Variants in CCDC93 observed in about 807,000 individuals in gnomAD.
The protein encoded by CCDC93 is coiled-coil domain-containing protein 93.
CCDC93 carries 61 observed loss-of-function variants against 108.2 expected under a neutral mutation model. The ratio of observed to expected loss-of-function variants is 0.56; its 90% CI spans 0.46 to 0.70. The LOEUF (loss-of-function observed/expected upper bound fraction) is 0.70, where lower values mean the gene tolerates loss of function less well. Among genes scored for constraint, CCDC93 ranks in the 30% least tolerant of loss-of-function variants. The pLI, the probability that CCDC93 is intolerant of heterozygous loss-of-function variation, is 0.00. For synonymous variants in CCDC93, 276 were observed against 260.4 expected (o/e 1.06, Z -0.58); for missense variants, 685 against 764.2 (o/e 0.90, Z 1.22).
chr2:117,951,261 A>G, intron 13 of CCDC93: 2 of 985,430 alleles, frequency 2.0e-6, no homozygotes, highest in African/African-American at 3.5e-5. Context: ...TTGCCATCTA[A>G]TCCGTAAGGA....
At chr2:117,938,456 G>A (rs955157618) in intron 20 of CCDC93, among the ~76,000 whole-genome samples, 2 of 151,774 alleles carry the variant, frequency 1.3e-5, no homozygotes, top group Non-Finnish European at 1.5e-5. Context: ...AGTGGGTGCA[G>A]CGCACCAGCA....
In CCDC93 at chr2:117,931,037, C is replaced by T. The variant is rs1252287403; in HGVS notation, c.1842G>A (p.Glu614=). The change falls in exon 23 of 24, where the codon GAG becomes GAA. Residue 614 remains glutamate (E), a splice_region_variant and synonymous_variant. Transcript: ENST00000376300. Reference sequence around the variant, plus strand: ...ATGTGCTACCCAGCCTTCCTCTTACCTCCTTGAACTCTTTCACAGTCTTAA... The same window carrying T: ...ATGTGCTACCCAGCCTTCCTCTTACTTCCTTGAACTCTTTCACAGTCTTAA... ...LYFKTVKEFK[E]EGRKNEMLLS... 2.5e-6 allele frequency: 4 copies of T among 1,594,502 alleles called. No individual in the cohort carries two copies. The highest frequency in any genetic ancestry group is 3.4e-6 in the Non-Finnish European group (4 of 1,165,112).
chr2:117,988,839 CCT>C (rs1238066221), intron 6 of CCDC93, among the ~76,000 whole-genome samples: 8 of 152,178 alleles, frequency 5.3e-5, no homozygotes, highest in East Asian at 1.9e-4. Flanking sequence ...ACCCCTCACC[CCT>C]GTTCTTCCAT....
chr2:117,939,260 C>T (rs1573471787), intron 19 of CCDC93, 149 bp from the exon 20 acceptor site: 3 of 563,322 alleles, frequency 5.3e-6, no homozygotes, highest in African/African-American at 1.9e-5. Context: ...AACTGAATTG[C>T]CTGGGAAGCT....
intron 1 of CCDC93, among the ~76,000 whole-genome samples, chr2:118,009,163 G>A (rs1204261043): frequency 1.3e-5 from 2 of 152,104 alleles, no homozygotes; most frequent in Non-Finnish European, 2.9e-5. Context: ...TTGAGGTCAG[G>A]AGTTCAAGAC....
chr2:117,974,384 TA>T (rs1467300240), intron 10 of CCDC93, among the ~76,000 whole-genome samples: 1 of 152,130 alleles, frequency 6.6e-6, no homozygotes, highest in Non-Finnish European at 1.5e-5. Context: ...CTCAGAACTC[TA>T]AAATATCTCT....
chr2:117,996,630 T>A, intron 4 of CCDC93: 1 of 298,258 alleles, frequency 3.4e-6, no homozygotes, highest in Non-Finnish European at 6.4e-6. Flanking sequence ...TTCCTTTCTG[T>A]AAAAGTATAT....
intron 4 of CCDC93, chr2:117,998,687 T>C (rs932215219): frequency 3.3e-5 from 5 of 152,216 alleles, no homozygotes; most frequent in African/African-American, 1.2e-4. Context: ...TCACTTCCAA[T>C]TCTTCTCACA....
intron 13 of CCDC93, chr2:117,951,145 A>G: frequency 1.0e-6 from 1 of 985,072 alleles, no homozygotes; most frequent in Non-Finnish European, 1.2e-6. Context: ...TTTTGCCTTT[A>G]ATCTCTTTCA....
At chr2:117,995,569 G>C in intron 5 of CCDC93, 67 bp from the exon 6 acceptor site, 1 of 1,063,672 alleles carries the variant, frequency 9.4e-7, no homozygotes, top group Non-Finnish European at 1.3e-6. Context: ...GGACCACTCA[G>C]ATATGTCTTA....
At chr2:117,927,441 C>T (rs1205663190) in intron 23 of CCDC93, among the ~76,000 whole-genome samples, 1 of 152,084 alleles carries the variant, frequency 6.6e-6, no homozygotes, top group Non-Finnish European at 1.5e-5. Flanking sequence ...AATCAGTGTG[C>T]AAAAATCACA....
In CCDC93 at chr2:118,004,390, A is replaced by C. The variant is rs536214155; in HGVS notation, c.251+2332T>G. Among the ~76,000 whole-genome samples the C allele has an allele frequency of 1.8e-3, 279 of 152,370 alleles. 1 individual carries two copies. Among genetic ancestry groups the C allele is most frequent in the Middle Eastern group, 3.4e-3 (1 of 294 alleles). ...GAGGATAGAAGCTTATGGAACTCTC[A>C]GCAAAGAAAGATGACAGAGAACAAG... On this transcript the variant is annotated intron_variant, in intron 3 of 23. Coordinates refer to ENST00000376300, the MANE Select transcript of CCDC93 (RefSeq NM_019044.5).
intron 11 of CCDC93, among the ~76,000 whole-genome samples, chr2:117,960,598 A>C (rs1679359223): frequency 6.6e-6 from 1 of 152,122 alleles, no homozygotes. Flanking sequence ...TTTGTTTTAA[A>C]ATTATGACCT....
intron 1 of CCDC93, among the ~76,000 whole-genome samples, chr2:118,010,580 G>C (rs971097808): frequency 1.3e-5 from 2 of 151,890 alleles, no homozygotes; most frequent in Non-Finnish European, 2.9e-5. Flanking sequence ...TCTTGCAAAT[G>C]CTTCTTCATC....
At chr2:117,925,863 T>G (rs1243307659) in intron 23 of CCDC93, among the ~76,000 whole-genome samples, 1 of 152,150 alleles carries the variant, frequency 6.6e-6, no homozygotes, top group African/African-American at 2.4e-5. Flanking sequence ...ACCACATAGA[T>G]GGAAGTAAAG....
chr2:117,961,291 T>C (rs71422552), intron 11 of CCDC93, among the ~76,000 whole-genome samples: 3,095 of 152,292 alleles, frequency 0.02, 38 homozygotes, highest in Middle Eastern at 0.065. Context: ...TCTGTTATAG[T>C]AGTATATGTT....
At chr2:117,936,795 TACTGCA>T in intron 20 of CCDC93, 56 bp from the exon 21 acceptor site, 2 of 1,347,174 alleles carry the variant, frequency 1.5e-6, no homozygotes, top group Non-Finnish European at 2.1e-6. Flanking sequence ...ATTTCCACAC[TACTGCA>T]ACTGCTGCAA....
chr2:117,965,355 G>C (rs1253683379), intron 11 of CCDC93, among the ~76,000 whole-genome samples: 2 of 152,126 alleles, frequency 1.3e-5, no homozygotes, highest in Non-Finnish European at 1.5e-5. Flanking sequence ...AAATCACACA[G>C]GTGGCAGATC....
intron 10 of CCDC93, 104 bp downstream of exon 10, chr2:117,974,746 T>C: frequency 6.3e-6 from 5 of 789,508 alleles, no homozygotes; most frequent in Non-Finnish European, 1.1e-5. Context: ...TACTGTGTGC[T>C]GGTGAGAGGC....
Sources: allele counts gnomAD v4.1 joint callset (sites outside exome capture counted in the v4.1 genomes callset), GRCh38; gene constraint gnomAD v4.1.1; transcripts MANE v1.5; gene names NCBI Gene and HGNC (gene_info 2026-07-23, HGNC 2026-07-21).